The following BABAM2 variants were observed in gnomAD, a reference collection of about 807,000 sequenced individuals.
BABAM2 encodes BRISC and BRCA1 A complex member 2.
BABAM2 carries 31 observed loss-of-function variants against 54.7 expected under a neutral mutation model. The ratio of observed to expected loss-of-function variants is 0.57; its 90% CI spans 0.43 to 0.77. The LOEUF is 0.77. BABAM2 is among the 30% of genes least tolerant of loss of function. The pLI is 0.00. For synonymous variants in BABAM2, 167 were observed against 162.9 expected (o/e 1.03, Z -0.19); for missense variants, 364 against 455.8 (o/e 0.80, Z 1.83).
At chr2:28,187,313 G>A (rs1676416833) in intron 7 of BABAM2, among the ~76,000 whole-genome samples, 1 of 152,178 alleles carries the variant, frequency 6.6e-6, no homozygotes, top group Non-Finnish European at 1.5e-5. Context: ...TTGAGGGCAG[G>A]AGCCATGTTG....
intron 4 of BABAM2, chr2:28,016,228 C>A: frequency 1.1e-6 from 1 of 916,536 alleles, no homozygotes; most frequent in African/African-American, 1.6e-5. Context: ...TGGATGAGCT[C>A]TCACTTGCAC....
chr2:28,059,655 G>A (rs1678707155), intron 6 of BABAM2, among the ~76,000 whole-genome samples: 1 of 152,180 alleles, frequency 6.6e-6, no homozygotes, highest in Non-Finnish European at 1.5e-5. Flanking sequence ...GAGAGTACAT[G>A]AGGTAAAAAC....
At position 28,086,127 on chromosome 2, in the gene BABAM2, C is replaced by CA. The variant is rs200590518; in HGVS notation, c.570+40329dup. On this transcript the variant is annotated intron_variant, in intron 6 of 11. Coordinates refer to ENST00000379624, the MANE Select transcript of BABAM2 (RefSeq NM_199191.3). ...AACTTGTCCGTCTGTAATTTGTAGA[C>CA]AGGATATGCCCAAGTGCAGAAAAAA... is the stretch of plus-strand genomic sequence containing the variant. Among the ~76,000 whole-genome samples, 237 of 152,190 alleles carry CA rather than the reference C, an allele frequency of 1.6e-3. 1 individual carries two copies. Among genetic ancestry groups the CA allele is most frequent in the African/African-American group, 5.3e-3 (221 of 41,522 alleles).
chr2:28,111,819 T>A (rs563029832), intron 6 of BABAM2, among the ~76,000 whole-genome samples: 1 of 152,322 alleles, frequency 6.6e-6, no homozygotes, highest in Non-Finnish European at 1.5e-5. Flanking sequence ...AGGCTCTAAA[T>A]GAAGTCATCC....
At chr2:28,039,211 T>C (rs113384193) in intron 5 of BABAM2, among the ~76,000 whole-genome samples, 18 of 152,292 alleles carry the variant, frequency 1.2e-4, no homozygotes, top group African/African-American at 4.1e-4. Flanking sequence ...AGTCTTGAGG[T>C]TGAGCTCTGT....
intron 6 of BABAM2, among the ~76,000 whole-genome samples, chr2:28,058,482 A>G (rs1420205300): frequency 6.6e-6 from 1 of 151,958 alleles, no homozygotes; most frequent in Non-Finnish European, 1.5e-5. Flanking sequence ...TCAGGGCTCA[A>G]GGTGATAGAA....
At chr2:28,299,673 GAATTT>G (rs1687959359) in intron 11 of BABAM2, among the ~76,000 whole-genome samples, 1 of 152,120 alleles carries the variant, frequency 6.6e-6, no homozygotes, top group South Asian at 2.1e-4. Flanking sequence ...TGTCTTCATG[GAATTT>G]ATAGCCCAGC....
chr2:28,191,764 A>G (rs1676933635), intron 7 of BABAM2, among the ~76,000 whole-genome samples: 1 of 152,196 alleles, frequency 6.6e-6, no homozygotes, highest in East Asian at 1.9e-4. Flanking sequence ...GGAGCAGTGT[A>G]GTTGTGGAAG....
intron 4 of BABAM2, among the ~76,000 whole-genome samples, chr2:27,992,287 A>T (rs1672837803): frequency 6.6e-6 from 1 of 152,172 alleles, no homozygotes; most frequent in Non-Finnish European, 1.5e-5. Context: ...TAAACAAAAG[A>T]CAAAGAGTCA....
At chr2:28,224,851 CAAAAAAAA>C (rs754146418) in intron 7 of BABAM2, among the ~76,000 whole-genome samples, 24 of 83,924 alleles carry the variant, frequency 2.9e-4, no homozygotes, top group Non-Finnish European at 5.0e-4. Context: ...GGTAAATTGA[CAAAAAAAA>C]AAAAAAAAAA....
At chr2:27,966,127 T>G (rs577012982) in intron 3 of BABAM2, among the ~76,000 whole-genome samples, 75 of 152,324 alleles carry the variant, frequency 4.9e-4, no homozygotes, top group Non-Finnish European at 1.0e-3. Flanking sequence ...TATTCTTTCA[T>G]TAGAGGCATA....
chr2:28,097,685 ATAATATTCTACTTTTTTGGCAGTTAT>A, intron 6 of BABAM2, among the ~76,000 whole-genome samples: 1 of 152,258 alleles, frequency 6.6e-6, no homozygotes, highest in South Asian at 2.1e-4. Flanking sequence ...AATGTCTGTG[ATAATATTCTACTTTTTTGGCAGTTAT>A]AAAGTTCTCT....
intron 10 of BABAM2, among the ~76,000 whole-genome samples, chr2:28,295,663 T>C (rs1390825505): frequency 1.3e-5 from 2 of 152,096 alleles, no homozygotes; most frequent in Non-Finnish European, 2.9e-5. Flanking sequence ...GCCCAGCTAA[T>C]TTTTTGTATT....
intron 6 of BABAM2, among the ~76,000 whole-genome samples, chr2:28,108,271 A>T (rs1272678810): frequency 1.3e-5 from 2 of 152,148 alleles, no homozygotes; most frequent in Non-Finnish European, 2.9e-5. Flanking sequence ...TTAGTATAAA[A>T]TTTTTTGAGA....
chr2:28,159,855 G>A (rs956401879), intron 7 of BABAM2, among the ~76,000 whole-genome samples: 9 of 149,222 alleles, frequency 6.0e-5, no homozygotes, highest in Admixed American at 5.3e-4. Flanking sequence ...CAGCCTGGGC[G>A]ACAGAGCAAA....
intron 10 of BABAM2, among the ~76,000 whole-genome samples, chr2:28,297,102 G>GTC (rs1687761238): frequency 6.6e-6 from 1 of 152,194 alleles, no homozygotes; most frequent in Non-Finnish European, 1.5e-5. Flanking sequence ...TAGTGAATGA[G>GTC]TCGTAAGCAG....
intron 2 of BABAM2, among the ~76,000 whole-genome samples, chr2:27,927,216 G>T (rs1452627881): frequency 6.6e-6 from 1 of 152,116 alleles, no homozygotes; most frequent in African/African-American, 2.4e-5. Flanking sequence ...AAAAAGTGTG[G>T]CCCAATAATG....
chr2:28,230,955 A>G (rs901589960), intron 7 of BABAM2, among the ~76,000 whole-genome samples: 2 of 152,146 alleles, frequency 1.3e-5, no homozygotes, highest in African/African-American at 4.8e-5. Context: ...ATTTCAGTAT[A>G]TTGGTAGGGA....
rs2279475 is a variant in BABAM2 at position 28,322,242 on chromosome 2, G to T, written c.1089-16208G>T. 0.29 allele frequency among the ~76,000 whole-genome samples: 43,540 copies of T among 151,950 alleles called. 7,803 individuals carry two copies. The highest frequency in any genetic ancestry group is 0.6 in the East Asian group (3,052 of 5,126). Reference sequence around the variant, plus strand: ...CTTCCAGCTGCCCCTACCATTCGGTGCACAAGTGTCCCTGAACTTCGGTGA... The same window carrying T: ...CTTCCAGCTGCCCCTACCATTCGGTTCACAAGTGTCCCTGAACTTCGGTGA... On this transcript the variant is annotated intron_variant, in intron 11 of 11. Coordinates refer to ENST00000379624, the MANE Select transcript of BABAM2 (RefSeq NM_199191.3). This position sits in a 1 kb window ranked among gnomAD's most constrained non-coding sequence, Gnocchi z 4.1.
Sources: allele counts gnomAD v4.1 joint callset (sites outside exome capture counted in the v4.1 genomes callset), GRCh38; gene constraint gnomAD v4.1.1; non-coding constraint Gnocchi (gnomAD v3.1); transcripts MANE v1.5; gene names NCBI Gene and HGNC (gene_info 2026-07-23, HGNC 2026-07-21).